Variants in SPPL3 observed in about 807,000 individuals in gnomAD.
The protein encoded by SPPL3 is signal peptide peptidase like 3.
A neutral mutation model predicts 42.4 loss-of-function variants in SPPL3; 5 were observed. The ratio of observed to expected loss-of-function variants is 0.12; its 90% CI spans 0.06 to 0.25. The LOEUF is 0.25. Among genes scored for constraint, SPPL3 ranks in the 10% least tolerant of loss-of-function variants. The pLI is 1.00. For synonymous variants in SPPL3, 195 were observed against 181.8 expected, an observed-to-expected ratio of 1.07 and a Z score of -0.58; for missense variants, 235 against 489.0, an observed-to-expected ratio of 0.48 and a Z score of 4.90.
At chr12:120,805,370 A>G (rs1870453939) in intron 2 of SPPL3, among the ~76,000 whole-genome samples, 1 of 152,238 alleles carries the variant, frequency 6.6e-6, no homozygotes, top group Non-Finnish European at 1.5e-5. Context: ...TAGAAATAAG[A>G]GAAATTTCTT....
intron 2 of SPPL3, among the ~76,000 whole-genome samples, chr12:120,800,067 C>T (rs1870237641): frequency 6.6e-6 from 1 of 152,360 alleles, no homozygotes; most frequent in Admixed American, 6.5e-5. Flanking sequence ...TCACAGAAGA[C>T]TACTCTTCAT....
rs544160755 is a variant in SPPL3, at chr12:120,886,901, T to C, written c.23+16944A>G. ...GCACTTGAAATGTGGCTAGTCTGAA[T>C]TGAGAAGATCTTGTACTAAAAAAAG... On this transcript the variant is annotated intron_variant, in intron 1 of 10. Transcript: ENST00000353487. Among the ~76,000 whole-genome samples the C allele has an allele frequency of 2.0e-5, 3 of 152,312 alleles. No individual in the cohort carries two copies. The East Asian group carries it at 5.8e-4, about 29-fold the overall frequency.
intron 1 of SPPL3, among the ~76,000 whole-genome samples, chr12:120,815,049 C>T (rs1247240414): frequency 6.6e-6 from 1 of 152,166 alleles, no homozygotes; most frequent in East Asian, 1.9e-4. Context: ...TTTCCAAAAA[C>T]TCTGCTGTTA....
chr12:120,848,519 T>C (rs972905363), intron 1 of SPPL3, among the ~76,000 whole-genome samples: 10 of 152,328 alleles, frequency 6.6e-5, no homozygotes, highest in African/African-American at 2.4e-4. Context: ...AGGATTTACT[T>C]TAACTTACTT....
chr12:120,791,455 A>AT lies in SPPL3; in HGVS notation c.190+13dup, dbSNP rs1402566425. The AT allele has an allele frequency of 6.8e-5, 106 of 1,564,284 alleles. No homozygotes were observed. Among genetic ancestry groups the AT allele is most frequent in the Non-Finnish European group, 9.0e-5 (104 of 1,152,132 alleles). ...ACTATATGTACAGAAGTTAATTGAC[A>AT]TAAAATATCTTACTATTATTGGTGC... On this transcript the variant is annotated intron_variant, in intron 3 of 10. Transcript: ENST00000353487.
intron 1 of SPPL3, among the ~76,000 whole-genome samples, chr12:120,888,145 T>G (rs1345477000): frequency 3.3e-5 from 5 of 152,174 alleles, no homozygotes; most frequent in Non-Finnish European, 7.4e-5. Flanking sequence ...GCACCATCTC[T>G]GCTCACTGCA....
intron 1 of SPPL3, among the ~76,000 whole-genome samples, chr12:120,825,057 A>G (rs1029576916): frequency 2.0e-5 from 3 of 152,036 alleles, no homozygotes; most frequent in Admixed American, 6.6e-5. Context: ...CACTACCTTA[A>G]GTCTACTGGA....
At chr12:120,820,433 A>T (rs908610680) in intron 1 of SPPL3, among the ~76,000 whole-genome samples, 1 of 148,610 alleles carries the variant, frequency 6.7e-6, no homozygotes, top group Non-Finnish European at 1.5e-5. Flanking sequence ...CTCCTGCCTC[A>T]GCCTCCTGAG....
At chr12:120,824,465 TAC>T (rs1165084275) in intron 1 of SPPL3, among the ~76,000 whole-genome samples, 1 of 152,234 alleles carries the variant, frequency 6.6e-6, no homozygotes, top group African/African-American at 2.4e-5. Context: ...CAAGTAATAC[TAC>T]AGAGTAAGTT....
At chr12:120,854,957 G>T (rs1855251191) in intron 1 of SPPL3, among the ~76,000 whole-genome samples, 1 of 152,174 alleles carries the variant, frequency 6.6e-6, no homozygotes, top group Admixed American at 6.5e-5. Flanking sequence ...GATTTTTATA[G>T]CACCTGCATG....
chr12:120,792,202 G>A (rs1204999419), intron 2 of SPPL3, among the ~76,000 whole-genome samples: 1 of 152,188 alleles, frequency 6.6e-6, no homozygotes, highest in Non-Finnish European at 1.5e-5. Flanking sequence ...GGATGAACAG[G>A]AAGGCCTCAC....
intron 1 of SPPL3, among the ~76,000 whole-genome samples, chr12:120,829,820 C>A (rs547882473): frequency 6.6e-6 from 1 of 151,924 alleles, no homozygotes; most frequent in Non-Finnish European, 1.5e-5. Flanking sequence ...ATGGTAAAAC[C>A]CTGTTTCTAC....
intron 1 of SPPL3, among the ~76,000 whole-genome samples, chr12:120,833,766 AGTGTGTGTGTGTGTGTGTGTGTGT>A (rs71076664): frequency 1.4e-5 from 2 of 146,636 alleles, no homozygotes; most frequent in East Asian, 2.0e-4. Context: ...TGAGTTTTAA[AGTGTGTGTGTGTGTGTGTGTGTGT>A]GTGTGTGTGT....
At chr12:120,903,746 A>T (rs2137076370) in intron 1 of SPPL3, 99 bp downstream of exon 1, 2 of 344,866 alleles carry the variant, frequency 5.8e-6, no homozygotes, top group African/African-American at 2.4e-5. Context: ...CCCCCCCACG[A>T]CACGCACCTG....
At chr12:120,799,579 G>A (rs192727311) in intron 2 of SPPL3, among the ~76,000 whole-genome samples, 5 of 152,252 alleles carry the variant, frequency 3.3e-5, no homozygotes, top group African/African-American at 9.6e-5. Context: ...AGATGGTGGG[G>A]GAGGGTGGAG....
intron 1 of SPPL3, among the ~76,000 whole-genome samples, chr12:120,881,478 A>C (rs537988215): frequency 0.016 from 2,154 of 131,826 alleles, 32 homozygotes; most frequent in South Asian, 0.065. Context: ...AAAAAAAAAA[A>C]AAAAAAGAGA....
intron 6 of SPPL3, 88 bp downstream of exon 6, chr12:120,782,567 T>C: frequency 9.8e-7 from 1 of 1,016,696 alleles, no homozygotes; most frequent in South Asian, 1.5e-5. Context: ...TTTATTGTAG[T>C]GATGGTTGTA....
intron 2 of SPPL3, among the ~76,000 whole-genome samples, chr12:120,810,598 G>A (rs1414729891): frequency 6.6e-6 from 1 of 152,152 alleles, no homozygotes; most frequent in Non-Finnish European, 1.5e-5. Flanking sequence ...GTTTTTACAT[G>A]TAAGCATTAA....
At chr12:120,902,446 G>A (rs1386383300) in intron 1 of SPPL3, among the ~76,000 whole-genome samples, 1 of 152,070 alleles carries the variant, frequency 6.6e-6, no homozygotes, top group Non-Finnish European at 1.5e-5. Flanking sequence ...GTTTCTCTAG[G>A]ATAATTATAA....
Sources: allele counts gnomAD v4.1 joint callset (sites outside exome capture counted in the v4.1 genomes callset), GRCh38; gene constraint gnomAD v4.1.1; transcripts MANE v1.5; gene names NCBI Gene and HGNC (gene_info 2026-07-23, HGNC 2026-07-21).